Variants in ADAMTSL3 observed in about 807,000 individuals in gnomAD.
The protein encoded by ADAMTSL3 is ADAMTS like 3.
In ADAMTSL3, 128 loss-of-function variants were observed where a neutral mutation model predicts 201.7. That is an observed-to-expected ratio of 0.63 (90% CI 0.55 to 0.73). The LOEUF is 0.73. Among genes scored for constraint, ADAMTSL3 ranks in the 30% least tolerant of loss-of-function variants. The pLI is 0.00. For missense variants in ADAMTSL3, 1,990 were observed against 2,119.6 expected, an observed-to-expected ratio of 0.94 and a Z score of 1.20; for synonymous variants, 738 against 748.4, an observed-to-expected ratio of 0.99 and a Z score of 0.23.
intron 3 of ADAMTSL3, among the ~76,000 whole-genome samples, chr15:83,714,528 A>T (rs1410539273): frequency 6.6e-6 from 1 of 152,016 alleles, no homozygotes; most frequent in African/African-American, 2.4e-5. Context: ...TCCTCGTCTA[A>T]CCCTTGTATA....
intron 5 of ADAMTSL3, among the ~76,000 whole-genome samples, chr15:83,814,968 T>A (rs1465130941): frequency 6.6e-6 from 1 of 152,194 alleles, no homozygotes; most frequent in East Asian, 1.9e-4. Context: ...CCCCATGGTT[T>A]TAGGAGGGGA....
chr15:83,875,783 A>AAAAAT lies in ADAMTSL3; in HGVS notation c.960+4843_960+4847dup, dbSNP rs1473540619. 3.3e-5 allele frequency among the ~76,000 whole-genome samples: 5 copies of AAAAAT among 152,144 alleles called. No individual in the cohort carries two copies. In the East Asian group the frequency reaches 5.8e-4, roughly 18 times the overall value. Reference sequence around the variant, plus strand: ...GGTGACAGAGCGAGACTTCATCTCAAAAAATAAAATAAAATAAAATAAATA... The same window carrying AAAAAT: ...GGTGACAGAGCGAGACTTCATCTCAAAAAATAAAATAAAATAAAATAAAATAAATA... On this transcript the variant is annotated intron_variant, in intron 9 of 29. Transcript: ENST00000286744.
chr15:83,801,161 C>G (rs1438545050), intron 4 of ADAMTSL3, among the ~76,000 whole-genome samples: 2 of 152,098 alleles, frequency 1.3e-5, no homozygotes, highest in Non-Finnish European at 2.9e-5. Context: ...CAGAAATATG[C>G]AGTGTTACAA....
intron 20 of ADAMTSL3, among the ~76,000 whole-genome samples, chr15:83,975,391 C>T (rs2067270736): frequency 6.6e-6 from 1 of 152,124 alleles, no homozygotes; most frequent in South Asian, 2.1e-4. Flanking sequence ...CCTCCTCTAG[C>T]TTTGCTAGTT....
rs879547989 is a variant in ADAMTSL3, at chr15:83,885,736, C to CT, written c.1072+536dup. Among the ~76,000 whole-genome samples the CT allele has an allele frequency of 1.7e-3, 253 of 144,702 alleles. 1 individual carries two copies. Among genetic ancestry groups the CT allele is most frequent in the African/African-American group, 4.5e-3 (178 of 39,732 alleles). The allele number at this position is 144,702 out of a possible 152,430, so 94.9% of individuals were successfully genotyped here. A position where few individuals can be genotyped will look rare whatever the true frequency, so the allele number is the denominator to read the frequency against. On this transcript the variant is annotated intron_variant, in intron 10 of 29. Transcript: ENST00000286744. ...GCTTATTGTCTGCTTAGTTCAAGGT[C>CT]TTTTTTTTTTTTGAGTCTCGCTCTG...
intron 17 of ADAMTSL3, among the ~76,000 whole-genome samples, chr15:83,937,296 G>T (rs899067668): frequency 3.3e-5 from 5 of 150,896 alleles, no homozygotes; most frequent in Non-Finnish European, 7.4e-5. Flanking sequence ...TTAAAAAAAT[G>T]TACATATACA....
intron 3 of ADAMTSL3, among the ~76,000 whole-genome samples, chr15:83,759,283 T>C (rs1370069420): frequency 6.6e-6 from 1 of 151,844 alleles, no homozygotes; most frequent in African/African-American, 2.4e-5. Context: ...TGGAGTGCAG[T>C]GACTCGACCT....
At chr15:83,819,653 C>T (rs560961997) in intron 5 of ADAMTSL3, among the ~76,000 whole-genome samples, 158 bp from the exon 6 acceptor site, 78 of 103,002 alleles carry the variant, frequency 7.6e-4, no homozygotes, top group Non-Finnish European at 1.2e-3. Context: ...ATACATTCAA[C>T]GTTGAATCAA....
At chr15:83,830,341 C>A (rs2141955699) in intron 6 of ADAMTSL3, among the ~76,000 whole-genome samples, 2 of 152,306 alleles carry the variant, frequency 1.3e-5, no homozygotes, top group Middle Eastern at 6.8e-3. Flanking sequence ...GTACAGAGTC[C>A]TGGTGCCCAT....
At chr15:83,888,157 A>AGTGGAT (rs1322578447) in intron 10 of ADAMTSL3, among the ~76,000 whole-genome samples, 1 of 152,212 alleles carries the variant, frequency 6.6e-6, no homozygotes, top group African/African-American at 2.4e-5. Flanking sequence ...CAAAGACAGC[A>AGTGGAT]GTGGATGTAA....
chr15:83,791,581 A>G (rs1401579303), intron 4 of ADAMTSL3, among the ~76,000 whole-genome samples: 1 of 152,172 alleles, frequency 6.6e-6, no homozygotes, highest in Non-Finnish European at 1.5e-5. Context: ...AACTAACGCC[A>G]GGCGCAGTGG....
chr15:84,011,994 T>G (rs772789936), intron 23 of ADAMTSL3, among the ~76,000 whole-genome samples: 3 of 152,222 alleles, frequency 2.0e-5, no homozygotes, highest in Non-Finnish European at 4.4e-5. Flanking sequence ...TTCAGAAAGC[T>G]TAAACTTTCT....
intron 2 of ADAMTSL3, among the ~76,000 whole-genome samples, chr15:83,667,389 A>G (rs892620432): frequency 9.9e-5 from 15 of 152,164 alleles, no homozygotes; most frequent in Non-Finnish European, 1.5e-5. Context: ...TAAATGGCAT[A>G]TGGTATAATG....
chr15:83,970,762 G>C (rs2067182220), intron 20 of ADAMTSL3, 125 bp downstream of exon 20: 1 of 1,259,600 alleles, frequency 7.9e-7, no homozygotes, highest in South Asian at 1.5e-5. Flanking sequence ...GCTGTACTCA[G>C]TGTTGTTTTC....
At chr15:83,919,874 G>A (rs2066105246) in intron 16 of ADAMTSL3, among the ~76,000 whole-genome samples, 1 of 152,148 alleles carries the variant, frequency 6.6e-6, no homozygotes, top group Non-Finnish European at 1.5e-5. Context: ...AATAAGCAGG[G>A]AAAAGGCTAG....
chr15:83,771,392 T>A (rs2062981746), intron 3 of ADAMTSL3, among the ~76,000 whole-genome samples: 1 of 152,174 alleles, frequency 6.6e-6, no homozygotes, highest in Admixed American at 6.5e-5. Context: ...CTCTAGAACT[T>A]TTTAATTTTG....
At chr15:83,787,502 T>C (rs2063283093) in intron 4 of ADAMTSL3, among the ~76,000 whole-genome samples, 1 of 152,192 alleles carries the variant, frequency 6.6e-6, no homozygotes, top group Non-Finnish European at 1.5e-5. Context: ...TATGGACTTT[T>C]AACAAATATT....
At chr15:83,819,639 T>A (rs1357172296) in intron 5 of ADAMTSL3, among the ~76,000 whole-genome samples, 172 bp from the exon 6 acceptor site, 1 of 137,798 alleles carries the variant, frequency 7.3e-6, no homozygotes, top group African/African-American at 2.7e-5. Flanking sequence ...TGGAATTTCA[T>A]AGCATACATT....
chr15:84,020,346 A>G (rs925366985), intron 25 of ADAMTSL3, among the ~76,000 whole-genome samples: 5 of 152,150 alleles, frequency 3.3e-5, no homozygotes, highest in Non-Finnish European at 5.9e-5. Context: ...AAAAATATCA[A>G]CTTCACAAGA....
Sources: gnomAD v4.1 joint callset for allele counts (sites outside exome capture counted in the v4.1 genomes callset) on GRCh38, gnomAD v4.1.1 for gene constraint, MANE v1.5 for transcripts, NCBI Gene and HGNC (gene_info 2026-07-23, HGNC 2026-07-21) for gene names.